The following ADGRD1 variants were observed in gnomAD, a reference collection of about 807,000 sequenced individuals.
The protein encoded by ADGRD1 is adhesion G protein-coupled receptor D1.
A neutral mutation model predicts 113.4 loss-of-function variants in ADGRD1; 77 were observed. The observed-to-expected ratio is 0.68, with a 90% CI of 0.57 to 0.82. ADGRD1 has a LOEUF of 0.82. Among genes scored for constraint, ADGRD1 ranks in the 40% least tolerant of loss-of-function variants. The pLI, the probability that ADGRD1 is intolerant of heterozygous loss-of-function variation, is 0.00. For synonymous variants in ADGRD1, 474 were observed against 475.0 expected (o/e 1.00, Z 0.03); for missense variants, 1,036 against 1,139.1 (o/e 0.91, Z 1.30).
At chr12:130,992,427 G>C in intron 8 of ADGRD1, 35 bp downstream of exon 8, 1 of 1,580,414 alleles carries the variant, frequency 6.3e-7, no homozygotes, top group Non-Finnish European at 8.6e-7. Context: ...TGGTGGACCG[G>C]GCGTGGCACC....
intron 13 of ADGRD1, among the ~76,000 whole-genome samples, chr12:131,071,201 G>A (rs373628019): frequency 6.9e-6 from 1 of 145,540 alleles, no homozygotes; most frequent in Non-Finnish European, 1.5e-5. Flanking sequence ...GGGGCTAAGC[G>A]AAAGGAGGTG....
chr12:130,992,556 T>G (rs1372580614), intron 8 of ADGRD1, 164 bp downstream of exon 8: 4 of 627,444 alleles, frequency 6.4e-6, no homozygotes, highest in Middle Eastern at 4.3e-4. Context: ...GTGGCCCTCC[T>G]GGCCAGCTCT....
intron 12 of ADGRD1, among the ~76,000 whole-genome samples, chr12:131,011,366 C>T (rs962766212): frequency 6.6e-6 from 1 of 151,962 alleles, no homozygotes; most frequent in South Asian, 2.1e-4. Context: ...CAGATTTGCT[C>T]TCATATCATT....
chr12:131,047,030 A>G (rs1319404042), intron 13 of ADGRD1, among the ~76,000 whole-genome samples: 1 of 105,736 alleles, frequency 9.5e-6, no homozygotes, highest in African/African-American at 3.7e-5. Flanking sequence ...CTCCCTCTCT[A>G]GTCAGTGTCC....
Position 131,075,279 on chromosome 12 carries a change from C to T in ADGRD1, c.1474-1522C>T, listed in dbSNP as rs946639243. ...AAGCCTCATTACACCCCTCCGAGAA[C>T]CAGGCTGTGGCCACCAGGTTTTTGT... On this transcript the variant is annotated intron_variant, in intron 13 of 24. Transcript: ENST00000261654. This position sits in a 1 kb window ranked among gnomAD's most constrained non-coding sequence, Gnocchi z 5.3. Among the ~76,000 whole-genome samples, 1 of 152,070 alleles carries T rather than the reference C, an allele frequency of 6.6e-6. No homozygotes were observed. Among genetic ancestry groups the T allele is most frequent in the African/African-American group, 2.4e-5 (1 of 41,400 alleles).
chr12:131,034,828 A>G (rs1357807870), intron 13 of ADGRD1, among the ~76,000 whole-genome samples: 1 of 152,104 alleles, frequency 6.6e-6, no homozygotes, highest in East Asian at 1.9e-4. Context: ...ATGTCACTGC[A>G]CCGGCTCCCG....
rs548075827 is a variant in ADGRD1, at chr12:130,984,719, C to T, written c.491-2376C>T. Among the ~76,000 whole-genome samples the T allele has an allele frequency of 6.6e-6, 1 of 151,976 alleles. No homozygotes were observed. The highest frequency in any genetic ancestry group is 6.6e-5 in the Admixed American group (1 of 15,258). On this transcript the variant is annotated intron_variant, in intron 5 of 24. Transcript: ENST00000261654. The surrounding 1 kb of genome is among the most constrained non-coding windows in gnomAD (Gnocchi z 4.1). ...TGGGTTGGTGAGGTTGATCTTTCGC[C>T]CATTTTAAAAATTGGATTGTTTTTC...
At chr12:131,002,382 C>A in intron 9 of ADGRD1, 1 of 323,204 alleles carries the variant, frequency 3.1e-6, no homozygotes, top group Non-Finnish European at 4.5e-6. Context: ...AGGCTATGGG[C>A]CTAAAAGCAA....
At chr12:131,056,744 C>T (rs557046261) in intron 13 of ADGRD1, among the ~76,000 whole-genome samples, 10 of 152,336 alleles carry the variant, frequency 6.6e-5, no homozygotes, top group South Asian at 6.2e-4. Context: ...TGACACAGGG[C>T]GGAAGACCCC....
chr12:131,017,268 C>T (rs1356428967), intron 13 of ADGRD1, among the ~76,000 whole-genome samples: 2 of 148,984 alleles, frequency 1.3e-5, no homozygotes, highest in African/African-American at 5.0e-5. Context: ...CCACACACAC[C>T]CAGTCCACAC....
rs79947975 is a variant in ADGRD1 at position 131,096,880 on chromosome 12, C to T, written c.1672-7951C>T. Among the ~76,000 whole-genome samples the T allele has an allele frequency of 9.5e-3, 1,450 of 152,322 alleles. 19 individuals are homozygous for T. The highest frequency in any genetic ancestry group is 0.032 in the African/African-American group (1,345 of 41,574). ...TCCTGCTGCCCGGCTCTGCCTCCCACGGCCGACCACTGTGCTGAGTTGCAG... is the reference window on the plus strand; with the variant it reads ...TCCTGCTGCCCGGCTCTGCCTCCCATGGCCGACCACTGTGCTGAGTTGCAG... On this transcript the variant is annotated intron_variant, in intron 15 of 24. Transcript: ENST00000261654. The surrounding 1 kb of genome is among the most constrained non-coding windows in gnomAD (Gnocchi z 5.2).
At chr12:131,127,035 C>T (rs572952350) in intron 20 of ADGRD1, among the ~76,000 whole-genome samples, 1 of 151,178 alleles carries the variant, frequency 6.6e-6, no homozygotes, top group Non-Finnish European at 1.5e-5. Context: ...CGCTCCTCCT[C>T]TTAGGAAGCC....
At chr12:131,101,353 TA>T (rs754866794) in intron 15 of ADGRD1, among the ~76,000 whole-genome samples, 2 of 147,894 alleles carry the variant, frequency 1.4e-5, no homozygotes, top group Admixed American at 1.4e-4. Context: ...TTCTTTCTTT[TA>T]TTTTTTTTCT....
chr12:131,123,994 TG>T (rs1326285891), intron 20 of ADGRD1, among the ~76,000 whole-genome samples: 1 of 152,226 alleles, frequency 6.6e-6, no homozygotes, highest in Non-Finnish European at 1.5e-5. Flanking sequence ...GCCGAATAGT[TG>T]CAACAAAGAC....
intron 19 of ADGRD1, among the ~76,000 whole-genome samples, chr12:131,119,983 C>G (rs1157563844): frequency 6.6e-6 from 1 of 152,162 alleles, no homozygotes; most frequent in Non-Finnish European, 1.5e-5. Context: ...TCAGATTCCT[C>G]ATCTGCAGGA....
intron 13 of ADGRD1, among the ~76,000 whole-genome samples, chr12:131,021,207 A>T (rs967825365): frequency 2.0e-5 from 3 of 152,120 alleles, no homozygotes. Flanking sequence ...CAGTAAATTG[A>T]CACTGATATT....
chr12:131,010,967 C>T (rs1258380871), intron 12 of ADGRD1, among the ~76,000 whole-genome samples: 3 of 152,152 alleles, frequency 2.0e-5, no homozygotes, highest in Non-Finnish European at 2.9e-5. Context: ...CTGGGGCTTC[C>T]CTTTTGCTGA....
intron 13 of ADGRD1, among the ~76,000 whole-genome samples, chr12:131,048,282 C>T (rs1324663132): frequency 6.6e-6 from 1 of 152,208 alleles, no homozygotes; most frequent in African/African-American, 2.4e-5. Flanking sequence ...GGTGGGCAGC[C>T]CCGCACCATC....
intron 13 of ADGRD1, among the ~76,000 whole-genome samples, chr12:131,035,962 C>T (rs1482083300): frequency 6.6e-6 from 1 of 152,194 alleles, no homozygotes; most frequent in Non-Finnish European, 1.5e-5. Context: ...AAAACCGAGT[C>T]ACATTATACC....
Sources: gnomAD v4.1 joint callset for allele counts (sites outside exome capture counted in the v4.1 genomes callset) on GRCh38, gnomAD v4.1.1 for gene constraint, Gnocchi (gnomAD v3.1) non-coding constraint, MANE v1.5 for transcripts, NCBI Gene and HGNC (gene_info 2026-07-23, HGNC 2026-07-21) for gene names.